Variants in PROS1 observed in about 807,000 individuals in gnomAD.
PROS1 encodes protein S.
PROS1 carries 29 observed loss-of-function variants against 75.9 expected under a neutral mutation model. That is an observed-to-expected ratio of 0.38 (90% CI 0.28 to 0.52). PROS1 has a LOEUF of 0.52. Among genes scored for constraint, PROS1 ranks in the 20% least tolerant of loss-of-function variants. PROS1 has a pLI of 0.83. For missense variants in PROS1, 680 were observed against 810.3 expected, an observed-to-expected ratio of 0.84 and a Z score of 1.95; for synonymous variants, 245 against 280.6, an observed-to-expected ratio of 0.87 and a Z score of 1.27.
Position 93,874,178 on chromosome 3 carries a change from A to T in PROS1, c.*67T>A. On this transcript the variant is annotated 3_prime_UTR_variant, in exon 15 of 15. Coordinates refer to ENST00000394236, the MANE Select transcript of PROS1 (RefSeq NM_000313.4). The stretch of plus-strand genomic sequence containing the variant: ...CTGCACATTGTAAATAAAACCCTTC[A>T]GCTGTTATTGAAACATAAGTATAAT... 1.3e-6 allele frequency: 2 copies of T among 1,556,924 alleles called. No individual in the cohort carries two copies. Among genetic ancestry groups the T allele is most frequent in the South Asian group, 1.1e-5 (1 of 89,184 alleles).
rs963659971 is a variant in PROS1 at position 93,873,088 on chromosome 3, T to C, written c.*1157A>G. On this transcript the variant is annotated 3_prime_UTR_variant, in exon 15 of 15. Transcript: ENST00000394236. Reference sequence around the variant, plus strand: ...TTTTGTTTTATTCAAACAGTTGATATAATAAAGATATTCACATGCATTTTA... The same window carrying C: ...TTTTGTTTTATTCAAACAGTTGATACAATAAAGATATTCACATGCATTTTA... 1.3e-5 allele frequency: 2 copies of C among 152,222 alleles called. No individual in the cohort carries two copies. The highest frequency in any genetic ancestry group is 4.8e-5 in the African/African-American group (2 of 41,468). 9.4% of individuals were successfully genotyped at this position (152,222 alleles called of 1,614,324 possible). A position where few individuals can be genotyped will look rare whatever the true frequency, so the allele number is the denominator to read the frequency against.
rs750557455 is a variant in PROS1, at chr3:93,879,349, G to T, written c.1493-35C>A. The T allele has an allele frequency of 1.9e-6, 3 of 1,608,534 alleles. No individual in the cohort carries two copies. The South Asian group carries it at 3.3e-5, about 18-fold the overall frequency. ...ATAATGAAACAGAAGCATGATCAAT[G>T]CACTCCTAAAGTGCATCAGAAGGAA... On this transcript the variant is annotated intron_variant, in intron 12 of 14. Coordinates refer to ENST00000394236, the MANE Select transcript of PROS1 (RefSeq NM_000313.4).
intron 3 of PROS1, among the ~76,000 whole-genome samples, chr3:93,920,184 G>T (rs997032806): frequency 6.6e-6 from 1 of 151,970 alleles, no homozygotes; most frequent in African/African-American, 2.4e-5. Flanking sequence ...GACTGCTTGA[G>T]CCCAGGAGTT....
chr3:93,964,770 C>T (rs1709762072), intron 1 of PROS1, among the ~76,000 whole-genome samples: 2 of 152,156 alleles, frequency 1.3e-5, no homozygotes. Flanking sequence ...GTCAGGTGGG[C>T]ATCACAGTCC....
At chr3:93,938,269 C>A (rs1209188448) in intron 1 of PROS1, among the ~76,000 whole-genome samples, 1 of 152,150 alleles carries the variant, frequency 6.6e-6, no homozygotes, top group East Asian at 1.9e-4. Context: ...CAGAGAACAA[C>A]CCCTTTGACT....
At chr3:93,930,763 T>C (rs1709094698) in intron 1 of PROS1, among the ~76,000 whole-genome samples, 1 of 152,210 alleles carries the variant, frequency 6.6e-6, no homozygotes. Flanking sequence ...TAAGAGATGA[T>C]GAAACTCAGG....
At chr3:93,907,861 C>T (rs1708700412) in intron 4 of PROS1, among the ~76,000 whole-genome samples, 1 of 152,140 alleles carries the variant, frequency 6.6e-6, no homozygotes, top group South Asian at 2.1e-4. Flanking sequence ...ATACTATTCT[C>T]AACATTAAGA....
intron 13 of PROS1, among the ~76,000 whole-genome samples, chr3:93,878,584 C>T (rs573746711): frequency 3.3e-5 from 5 of 152,152 alleles, no homozygotes; most frequent in African/African-American, 1.2e-4. Flanking sequence ...TTTCTGATAA[C>T]CCTCATATTT....
At chr3:93,942,796 C>T (rs2107228217) in intron 1 of PROS1, among the ~76,000 whole-genome samples, 1 of 152,306 alleles carries the variant, frequency 6.6e-6, no homozygotes, top group South Asian at 2.1e-4. Flanking sequence ...TCAAGGAAAT[C>T]ACTTCTCAGT....
rs757032394 is a variant in PROS1, at chr3:93,927,425, T to C, written c.77-18A>G. 1 of 1,611,024 alleles carries C rather than the reference T, an allele frequency of 6.2e-7. No homozygotes were observed. Among genetic ancestry groups the C allele is most frequent in the Non-Finnish European group, 8.5e-7 (1 of 1,178,374 alleles). ...TGACAAAACTGAAGGAAACAATCAGTTTATATGAATTAATCATTTTTCCAT... is the reference window on the plus strand; with the variant it reads ...TGACAAAACTGAAGGAAACAATCAGCTTATATGAATTAATCATTTTTCCAT... On this transcript the variant is annotated intron_variant, in intron 1 of 14. Transcript: ENST00000394236.
At chr3:93,912,744 C>A (rs533657626) in intron 3 of PROS1, among the ~76,000 whole-genome samples, 1 of 152,196 alleles carries the variant, frequency 6.6e-6, no homozygotes, top group African/African-American at 2.4e-5. Flanking sequence ...CAAAAGAGGG[C>A]GAAAGAGCAA....
chr3:93,927,080 C>A (rs1461810698), intron 2 of PROS1, among the ~76,000 whole-genome samples, 170 bp downstream of exon 2: 1 of 152,196 alleles, frequency 6.6e-6, no homozygotes, highest in South Asian at 2.1e-4. Context: ...CCTAACAAGC[C>A]CACTTTCCTT....
rs911531188 is a variant in PROS1, at chr3:93,908,969, T to C, written c.346+1650A>G. On this transcript the variant is annotated intron_variant, in intron 4 of 14. Coordinates refer to ENST00000394236, the MANE Select transcript of PROS1 (RefSeq NM_000313.4). ...TCCAATGTTCAAAACCATTATTTTG[T>C]ATACTGACCCAAAAGAAACTCACTT... is the stretch of plus-strand genomic sequence containing the variant. 5.3e-5 allele frequency among the ~76,000 whole-genome samples: 8 copies of C among 152,194 alleles called. No homozygotes were observed. The South Asian group carries it at 6.2e-4, about 12-fold the overall frequency.
chr3:93,954,906 AG>A (rs1709572340), intron 1 of PROS1, among the ~76,000 whole-genome samples: 1 of 152,242 alleles, frequency 6.6e-6, no homozygotes, highest in Admixed American at 6.5e-5. Flanking sequence ...CCCATCAAAA[AG>A]TGGGCAAAGG....
In PROS1 at chr3:93,927,927, GTA is replaced by G. The variant is rs570391919; in HGVS notation, c.77-522_77-521del. On this transcript the variant is annotated intron_variant, in intron 1 of 14. Transcript: ENST00000394236. ...TGTGTGTGTGTGTATATATATATGT[GTA>G]TATATATATGTATATATATATACTT... is the stretch of plus-strand genomic sequence containing the variant. Among the ~76,000 whole-genome samples, 138 of 123,460 alleles carry G rather than the reference GTA, an allele frequency of 1.1e-3. 1 individual carries two copies. Among genetic ancestry groups the G allele is most frequent in the South Asian group, 2.7e-3 (10 of 3,772 alleles). The allele number at this position is 123,460 out of a possible 152,430, so 81.0% of individuals were successfully genotyped here. A position where few individuals can be genotyped will look rare whatever the true frequency, so the allele number is the denominator to read the frequency against.
At chr3:93,907,423 C>T (rs1363638049) in intron 4 of PROS1, among the ~76,000 whole-genome samples, 2 of 152,132 alleles carry the variant, frequency 1.3e-5, no homozygotes, top group African/African-American at 4.8e-5. Context: ...GAGCCACCCA[C>T]TCTAGGCCTC....
At chr3:93,945,003 G>A (rs948942949) in intron 1 of PROS1, among the ~76,000 whole-genome samples, 1 of 152,134 alleles carries the variant, frequency 6.6e-6, no homozygotes, top group Non-Finnish European at 1.5e-5. Context: ...CGATCCCACA[G>A]AAATACAAAC....
intron 3 of PROS1, among the ~76,000 whole-genome samples, chr3:93,921,975 G>A (rs1708948646): frequency 6.6e-6 from 1 of 152,072 alleles, no homozygotes; most frequent in Non-Finnish European, 1.5e-5. Context: ...CAATTGGAAA[G>A]TTCATGTCAT....
intron 12 of PROS1, among the ~76,000 whole-genome samples, chr3:93,881,902 A>AT (rs1289984320): frequency 6.6e-6 from 1 of 152,076 alleles, no homozygotes; most frequent in Non-Finnish European, 1.5e-5. Context: ...TTAAAATGTA[A>AT]TTTTTTTCTT....
Sources: allele counts gnomAD v4.1 joint callset (sites outside exome capture counted in the v4.1 genomes callset), GRCh38; gene constraint gnomAD v4.1.1; transcripts MANE v1.5; gene names NCBI Gene and HGNC (gene_info 2026-07-23, HGNC 2026-07-21).